AP3M1: variants seen among roughly 807,000 people sequenced by gnomAD.
The protein encoded by AP3M1 is AP-3 complex subunit mu-1.
A neutral mutation model predicts 42.6 loss-of-function variants in AP3M1; 29 were observed. That is an observed-to-expected ratio of 0.68 (90% CI 0.51 to 0.93). The LOEUF (loss-of-function observed/expected upper bound fraction) is 0.93, where lower values mean the gene tolerates loss of function less well. Ranked by LOEUF, AP3M1 falls within the 40% of genes least tolerant of loss-of-function variation. The pLI, the probability that AP3M1 is intolerant of heterozygous loss-of-function variation, is 0.00. For synonymous variants in AP3M1, 178 were observed against 175.3 expected (o/e 1.02, Z -0.12); for missense variants, 416 against 510.2 (o/e 0.82, Z 1.78).
intron 3 of AP3M1, among the ~76,000 whole-genome samples, chr10:74,134,913 GTATTAACATTTTAATATAA>G (rs149433513): frequency 0.017 from 2,564 of 151,998 alleles, 77 homozygotes; most frequent in African/African-American, 0.059. Flanking sequence ...TAATATTATG[GTATTAACATTTTAATATAA>G]TATTAACATT....
chr10:74,145,284 C>T (rs188741672), intron 1 of AP3M1, among the ~76,000 whole-genome samples: 16 of 152,266 alleles, frequency 1.1e-4, no homozygotes, highest in South Asian at 2.1e-4. Flanking sequence ...AAAGTTTCCA[C>T]CGAAGTTGTT....
rs756081007 is a variant in AP3M1, at chr10:74,124,519, T to C, written c.1017A>G (p.Leu339=). The part of the protein sequence containing the change: ...SYTFDPVTKV[L]TWDVGKITPQ... ...GAGTAATTTTTCCCACATCCCATGT[T>C]AGTACCTTAAAAAGACAAAAAATGA... Residue 339 remains leucine (L), a synonymous_variant, in exon 8 of 9, where the codon CTA becomes CTG. Coordinates refer to ENST00000355264, the MANE Select transcript of AP3M1 (RefSeq NM_012095.6). The C allele has an allele frequency of 5.0e-6, 8 of 1,587,538 alleles. No homozygotes were observed. In the South Asian group the frequency reaches 9.4e-5, roughly 19 times the overall value.
Position 74,126,372 on chromosome 10 carries a change from A to G in AP3M1, c.804-17T>C. On this transcript the variant is annotated splice_polypyrimidine_tract_variant and intron_variant, in intron 6 of 8. Transcript: ENST00000355264. ...GCCACTAGACTAAAAAGAGAAACAG[A>G]GAAAGATACAAAAGCACAAACACAA... 1 of 1,603,834 alleles carries G rather than the reference A, an allele frequency of 6.2e-7. No homozygotes were observed. Among genetic ancestry groups the G allele is most frequent in the Non-Finnish European group, 8.5e-7 (1 of 1,171,816 alleles).
At chr10:74,148,702 A>G (rs1158712368) in intron 1 of AP3M1, among the ~76,000 whole-genome samples, 2 of 151,910 alleles carry the variant, frequency 1.3e-5, no homozygotes, top group African/African-American at 4.8e-5. Flanking sequence ...GACTACAACC[A>G]CATGCCACAA....
At chr10:74,138,570 A>G (rs1040528438) in intron 1 of AP3M1, among the ~76,000 whole-genome samples, 188 bp from the exon 2 acceptor site, 10 of 149,562 alleles carry the variant, frequency 6.7e-5, no homozygotes, top group Non-Finnish European at 1.2e-4. Context: ...CAGAAATTGC[A>G]TTTGACAAAA....
chr10:74,129,318 T>C (rs1161457836), intron 5 of AP3M1, 77 bp from the exon 6 acceptor site: 13 of 1,481,874 alleles, frequency 8.8e-6, no homozygotes, highest in Middle Eastern at 1.7e-4. Flanking sequence ...TTGACAAATA[T>C]GTTCCCTGAA....
rs1283537888 is a variant in AP3M1 at position 74,123,815 on chromosome 10, T to C, written c.1252A>G (p.Thr418Ala). The change falls in exon 9 of 9, where the codon ACA becomes GCA. Residue 418 changes from threonine to alanine, a missense_variant. Transcript: ENST00000355264. ...TGAGGAATTTTGGCCTCTTCTCATG[T>C]CCTCACTTGGAACTTTCCAGCTTTC... ...VTKAGKFQVR[T>A] 1 of 1,614,094 alleles carries C rather than the reference T, an allele frequency of 6.2e-7. No individual in the cohort carries two copies. Among genetic ancestry groups the C allele is most frequent in the Admixed American group, 1.7e-5 (1 of 60,020 alleles).
Position 74,136,682 on chromosome 10 carries a change from T to G in AP3M1, c.395A>C (p.Glu132Ala), listed in dbSNP as rs1178725704. ...PLATESNILKELIKPPTILRS... is the reference protein window; with the variant it reads ...PLATESNILKALIKPPTILRS... ...TAGAATTGTTGGTGGTTTAATCAAT[T>G]CTTTCAAAATGTTAGATTCGGTAGC... is the stretch of plus-strand genomic sequence containing the variant. The change falls in exon 3 of 9, where the codon GAA (glutamate) becomes GCA (alanine). Residue 132 changes from glutamate (E) to alanine (A), a missense_variant. Transcript: ENST00000355264. The G allele has an allele frequency of 1.1e-5, 18 of 1,596,068 alleles. No individual in the cohort carries two copies. The highest frequency in any genetic ancestry group is 1.5e-5 in the Non-Finnish European group (18 of 1,166,374).
At chr10:74,132,323 C>T (rs952502689) in intron 4 of AP3M1, among the ~76,000 whole-genome samples, 21 of 152,012 alleles carry the variant, frequency 1.4e-4, no homozygotes, top group Admixed American at 1.1e-3. Context: ...CAGGCGTGAT[C>T]CACCATGCCC....
intron 1 of AP3M1, among the ~76,000 whole-genome samples, chr10:74,139,464 A>C (rs1282966220): frequency 5.4e-5 from 8 of 148,570 alleles, no homozygotes; most frequent in Middle Eastern, 6.9e-3. Flanking sequence ...AAAAAAAAAA[A>C]CAAAACAAAA....
In AP3M1 at chr10:74,145,367, T is replaced by C. The variant is rs1225550247; in HGVS notation, c.-4+5388A>G. Among the ~76,000 whole-genome samples the C allele has an allele frequency of 2.6e-5, 4 of 152,370 alleles. No homozygotes were observed. In the East Asian group the frequency reaches 5.8e-4, roughly 22 times the overall value. Reference sequence around the variant, plus strand: ...CTCCTAGATTTATTGTTGTTATCCTTAGTGCTGAGATGAAAGCATAACACT... The same window carrying C: ...CTCCTAGATTTATTGTTGTTATCCTCAGTGCTGAGATGAAAGCATAACACT... On this transcript the variant is annotated intron_variant, in intron 1 of 8. Coordinates refer to ENST00000355264, the MANE Select transcript of AP3M1 (RefSeq NM_012095.6).
At chr10:74,124,620 C>CTGAA in intron 7 of AP3M1, 96 bp from the exon 8 acceptor site, 14 of 1,048,124 alleles carry the variant, frequency 1.3e-5, no homozygotes, top group Non-Finnish European at 1.4e-6. Context: ...TCTGTACAAA[C>CTGAA]TGAAGTGCAG....
chr10:74,126,754 T>C (rs7073435), intron 6 of AP3M1, among the ~76,000 whole-genome samples: 110,769 of 151,178 alleles, frequency 0.73, 41,302 homozygotes, highest in Middle Eastern at 0.85. Flanking sequence ...TTTGGGAGGC[T>C]GAGGTGAGGA....
chr10:74,126,381 C>T, intron 6 of AP3M1, 26 bp from the exon 7 acceptor site: 1 of 1,588,754 alleles, frequency 6.3e-7, no homozygotes, highest in South Asian at 1.1e-5. Flanking sequence ...GAGAAAGATA[C>T]AAAAGCACAA....
rs1005504509 is a variant in AP3M1 at position 74,132,922 on chromosome 10, T to C, written c.583+1105A>G. 5.3e-5 allele frequency among the ~76,000 whole-genome samples: 8 copies of C among 152,182 alleles called. No homozygotes were observed. The East Asian group carries it at 5.8e-4, about 11-fold the overall frequency. ...TACATGTTTGGCAGACCTCAACTAGTGGTTATGAAAATTATATGTAACCTA... is the reference window on the plus strand; with the variant it reads ...TACATGTTTGGCAGACCTCAACTAGCGGTTATGAAAATTATATGTAACCTA... On this transcript the variant is annotated intron_variant, in intron 4 of 8. Transcript: ENST00000355264.
Position 74,149,376 on chromosome 10 carries a change from G to A in AP3M1, c.-4+1379C>T, listed in dbSNP as rs1233407674. Reference sequence around the variant, plus strand: ...GAGGTCTCAGCTTACTGCAACTTCCGCCTCCCGGGTTCAAGGGATTCTCCT... The same window carrying A: ...GAGGTCTCAGCTTACTGCAACTTCCACCTCCCGGGTTCAAGGGATTCTCCT... On this transcript the variant is annotated intron_variant, in intron 1 of 8. Transcript: ENST00000355264. 2.2e-5 allele frequency among the ~76,000 whole-genome samples: 3 copies of A among 133,526 alleles called. No individual in the cohort carries two copies. In the Admixed American group the frequency reaches 2.6e-4, roughly 11 times the overall value. 87.6% of individuals were successfully genotyped at this position (133,526 alleles called of 152,430 possible). A position where few individuals can be genotyped will look rare whatever the true frequency, so the allele number is the denominator to read the frequency against.
In AP3M1 at chr10:74,123,548, T is replaced by C. The variant is rs930784447; in HGVS notation, c.*262A>G. On this transcript the variant is annotated 3_prime_UTR_variant, in exon 9 of 9. Coordinates refer to ENST00000355264, the MANE Select transcript of AP3M1 (RefSeq NM_012095.6). The stretch of plus-strand genomic sequence containing the variant: ...ACTGTTACAATGTGCAGCCGCCAGA[T>C]GGTATCCTCCTATGGAAAAAAATCA... 28 of 494,572 alleles carry C rather than the reference T, an allele frequency of 5.7e-5. No individual in the cohort carries two copies. In the South Asian group the frequency reaches 6.0e-4, roughly 11 times the overall value. 30.6% of individuals were successfully genotyped at this position (494,572 alleles called of 1,614,324 possible).
At chr10:74,149,279 T>G (rs995685433) in intron 1 of AP3M1, among the ~76,000 whole-genome samples, 6 of 76,484 alleles carry the variant, frequency 7.8e-5, no homozygotes, top group African/African-American at 2.1e-4. Context: ...TTTTTTTTTT[T>G]TTTTTTTTTT....
At position 74,129,144 on chromosome 10, in the gene AP3M1, T is replaced by C. The variant is rs769333400; in HGVS notation, c.767A>G (p.Asn256Ser). The change falls in exon 6 of 9, where the codon AAT becomes AGT. Residue 256 changes from asparagine to serine, a missense_variant. Physicochemically the swap from Asn to Ser is conservative, Grantham distance 46. Coordinates refer to ENST00000355264, the MANE Select transcript of AP3M1 (RefSeq NM_012095.6). ...GACACGGTATGATATGAGTCGGAAA[T>C]TTCCATCTGGAGGAATAAATGACAA... is the stretch of plus-strand genomic sequence containing the variant. Reference protein sequence around the residue: ...RVLSFIPPDGNFRLISYRVSS... With the variant: ...RVLSFIPPDGSFRLISYRVSS... 6.2e-7 allele frequency: 1 copy of C among 1,614,102 alleles called. No homozygotes were observed. The highest frequency in any genetic ancestry group is 1.7e-5 in the Admixed American group (1 of 60,010).
Sources: allele counts gnomAD v4.1 joint callset (sites outside exome capture counted in the v4.1 genomes callset), GRCh38; gene constraint gnomAD v4.1.1; transcripts MANE v1.5; gene names NCBI Gene and HGNC (gene_info 2026-07-23, HGNC 2026-07-21).